Variants in UMAD1 observed in about 807,000 individuals in gnomAD.
UMAD1 encodes the protein UBAP1-MVB12-associated (UMA) domain containing 1.
Under a neutral mutation model 6.1 loss-of-function variants are expected in UMAD1, and 8 were observed. That is an observed-to-expected ratio of 1.30 (90% CI 0.76 to 2.35). The LOEUF (loss-of-function observed/expected upper bound fraction) is 2.35, where lower values mean the gene tolerates loss of function less well. UMAD1 is among the 30% of genes most tolerant of loss of function. The pLI is 0.00. For missense variants in UMAD1, 130 were observed against 78.4 expected (o/e 1.66, Z -2.49); for synonymous variants, 56 against 31.4 (o/e 1.78, Z -2.61).
chr7:7,829,259 C>T (rs908690458), intron 3 of UMAD1, among the ~76,000 whole-genome samples: 8 of 151,910 alleles, frequency 5.3e-5, no homozygotes, highest in African/African-American at 1.9e-4. Context: ...GAATGAGCAG[C>T]AGCAATCACT....
chr7:7,823,665 T>C lies in UMAD1; in HGVS notation c.156+21922T>C, dbSNP rs190377336. Among the ~76,000 whole-genome samples the C allele has an allele frequency of 1.6e-3, 241 of 152,314 alleles. 1 individual carries two copies. The highest frequency in any genetic ancestry group is 7.7e-3 in the South Asian group (37 of 4,830). Reference sequence around the variant, plus strand: ...AAAAAAGAGAAAATGCTTTCTTTTTTATTTTTGAAAAACATATTAGCGTAT... The same window carrying C: ...AAAAAAGAGAAAATGCTTTCTTTTTCATTTTTGAAAAACATATTAGCGTAT... On this transcript the variant is annotated intron_variant, in intron 3 of 3. Coordinates refer to ENST00000682710, the MANE Select transcript of UMAD1 (RefSeq NM_001302348.2).
At position 7,855,220 on chromosome 7, in the gene UMAD1, G is replaced by A. The variant is rs117789058; in HGVS notation, c.157-22061G>A. Among the ~76,000 whole-genome samples, 37 of 152,316 alleles carry A rather than the reference G, an allele frequency of 2.4e-4. No individual in the cohort carries two copies. The East Asian group carries it at 3.3e-3, about 13-fold the overall frequency. On this transcript the variant is annotated intron_variant, in intron 3 of 3. Transcript: ENST00000682710. ...CTACCATTTTGGGGTCTGGAGGATC[G>A]TGGTTCTCTTCTCACAACTCCACTA...
intron 2 of UMAD1, among the ~76,000 whole-genome samples, chr7:7,691,260 A>G (rs1041797874): frequency 4.6e-5 from 7 of 152,232 alleles, no homozygotes; most frequent in Admixed American, 3.9e-4. Flanking sequence ...GTATGAGGAA[A>G]AAATGGTTAT....
chr7:7,778,210 T>C (rs1782259102), intron 2 of UMAD1, among the ~76,000 whole-genome samples: 1 of 150,686 alleles, frequency 6.6e-6, no homozygotes, highest in Non-Finnish European at 1.5e-5. Flanking sequence ...TCATCTTGGC[T>C]TCTCCAAAAC....
At chr7:7,715,730 GA>G (rs1408115194) in intron 2 of UMAD1, among the ~76,000 whole-genome samples, 1 of 152,152 alleles carries the variant, frequency 6.6e-6, no homozygotes, top group Non-Finnish European at 1.5e-5. Context: ...TGTAATCCAT[GA>G]ATCAGAGTAT....
chr7:7,745,114 CAT>C (rs1323031586), intron 2 of UMAD1, among the ~76,000 whole-genome samples: 1 of 152,134 alleles, frequency 6.6e-6, no homozygotes, highest in African/African-American at 2.4e-5. Context: ...TTAAGAAAAA[CAT>C]AGAGAAGAGG....
chr7:7,645,971 T>TCGGCTGC (rs1313124615), intron 1 of UMAD1, among the ~76,000 whole-genome samples: 1 of 152,168 alleles, frequency 6.6e-6, no homozygotes. Context: ...GCTCGTTTGC[T>TCGGCTGC]CGGCTGCCGT....
At chr7:7,715,048 C>T (rs1238537012) in intron 2 of UMAD1, 2 of 151,802 alleles carry the variant, frequency 1.3e-5, no homozygotes, top group African/African-American at 4.8e-5. Flanking sequence ...GTAGGCAAAT[C>T]CACAAATCTT....
chr7:7,869,196 T>C (rs1784290779), intron 3 of UMAD1, among the ~76,000 whole-genome samples: 2 of 152,214 alleles, frequency 1.3e-5, no homozygotes, highest in Non-Finnish European at 2.9e-5. Flanking sequence ...CTCTGTCCCC[T>C]GATGCTTCTA....
At chr7:7,674,698 C>T (rs1319152326) in intron 2 of UMAD1, among the ~76,000 whole-genome samples, 1 of 152,124 alleles carries the variant, frequency 6.6e-6, no homozygotes, top group African/African-American at 2.4e-5. Flanking sequence ...CATAGTGTGT[C>T]AGGAATTTAT....
At chr7:7,785,352 T>A (rs200715443) in intron 2 of UMAD1, among the ~76,000 whole-genome samples, 1 of 152,184 alleles carries the variant, frequency 6.6e-6, no homozygotes, top group Middle Eastern at 3.4e-3. Flanking sequence ...ACACACAGAG[T>A]AGCACACCTG....
intron 1 of UMAD1, among the ~76,000 whole-genome samples, chr7:7,664,486 A>G (rs1168697304): frequency 6.6e-6 from 1 of 152,120 alleles, no homozygotes; most frequent in African/African-American, 2.4e-5. Context: ...ACTCTTCAGT[A>G]ATTTATTTCT....
intron 1 of UMAD1, among the ~76,000 whole-genome samples, chr7:7,662,535 A>C (rs1458301643): frequency 1.3e-5 from 2 of 152,144 alleles, no homozygotes; most frequent in Non-Finnish European, 2.9e-5. Flanking sequence ...TCCTCACCGC[A>C]CAGTCCCTCA....
intron 3 of UMAD1, among the ~76,000 whole-genome samples, chr7:7,805,791 A>G (rs933177856): frequency 3.8e-4 from 58 of 152,166 alleles, no homozygotes; most frequent in South Asian, 2.7e-3. Flanking sequence ...CTTCCTCCTT[A>G]TCATTCAAGT....
At chr7:7,686,346 G>C (rs899512816) in intron 2 of UMAD1, among the ~76,000 whole-genome samples, 1 of 152,136 alleles carries the variant, frequency 6.6e-6, no homozygotes, top group Non-Finnish European at 1.5e-5. Context: ...TCAAATGTTA[G>C]AATGTTATCC....
chr7:7,831,266 G>A (rs1783461565), intron 3 of UMAD1, among the ~76,000 whole-genome samples: 1 of 152,154 alleles, frequency 6.6e-6, no homozygotes, highest in South Asian at 2.1e-4. Flanking sequence ...GATATTCTAA[G>A]TATCTATATC....
intron 2 of UMAD1, among the ~76,000 whole-genome samples, chr7:7,674,824 G>A (rs1779699422): frequency 6.6e-6 from 1 of 151,948 alleles, no homozygotes; most frequent in Non-Finnish European, 1.5e-5. Flanking sequence ...AAAACTTCAG[G>A]GGTACATCAG....
At chr7:7,750,921 A>G (rs1311444524) in intron 2 of UMAD1, among the ~76,000 whole-genome samples, 2 of 152,232 alleles carry the variant, frequency 1.3e-5, no homozygotes. Context: ...AACAGTGTCA[A>G]TAAAGTATTT....
At chr7:7,649,119 C>G (rs1340650115) in intron 1 of UMAD1, among the ~76,000 whole-genome samples, 1 of 140,652 alleles carries the variant, frequency 7.1e-6, no homozygotes. Context: ...GATTGTGCCA[C>G]TGCACTCCAG....
Sources: gnomAD v4.1 joint callset for allele counts (sites outside exome capture counted in the v4.1 genomes callset) on GRCh38, gnomAD v4.1.1 for gene constraint, MANE v1.5 for transcripts, NCBI Gene and HGNC (gene_info 2026-07-23, HGNC 2026-07-21) for gene names.